Variants in CCDC33 observed in about 807,000 individuals in gnomAD.
The protein encoded by CCDC33 is coiled-coil domain-containing protein 33.
CCDC33 carries 94 observed loss-of-function variants against 91.9 expected under a neutral mutation model. The ratio of observed to expected loss-of-function variants is 1.02; its 90% CI spans 0.87 to 1.21. The LOEUF (loss-of-function observed/expected upper bound fraction) is 1.21, where lower values mean the gene tolerates loss of function less well. Among genes scored for constraint, CCDC33 ranks in the 50% most tolerant of loss-of-function variants. CCDC33 has a pLI of 0.00. For missense variants in CCDC33, 940 were observed against 935.5 expected, an observed-to-expected ratio of 1.00 and a Z score of -0.06; for synonymous variants, 396 against 374.5, an observed-to-expected ratio of 1.06 and a Z score of -0.66.
intron 10 of CCDC33, among the ~76,000 whole-genome samples, chr15:74,282,660 C>T (rs1032055989): frequency 6.6e-6 from 1 of 152,146 alleles, no homozygotes; most frequent in African/African-American, 2.4e-5. Context: ...TCACGGGTTC[C>T]AAGAATGAGG....
upstream of CCDC33, chr15:74,217,112 G>A (rs1309822741): frequency 5.3e-6 from 2 of 374,580 alleles, no homozygotes; most frequent in Non-Finnish European, 9.0e-6. Flanking sequence ...CCTGGGTCAG[G>A]CCCAGCTTCC....
chr15:74,209,676 A>T lies in CCDC33; in HGVS notation n.236+142A>T, dbSNP rs911214416. ...CCTGCAACCTCCAACGCTGCTGGAC[A>T]GTCGGCTGCATCCCCCCTCACCTGA... On this transcript the variant is annotated intron_variant and non_coding_transcript_variant, in intron 2 of 3. Coordinates refer to the CCDC33 transcript ENST00000558645. The T allele has an allele frequency of 5.6e-6, 3 of 533,624 alleles. No homozygotes were observed. In the African/African-American group the frequency reaches 5.7e-5, roughly 10 times the overall value. 33.1% of individuals were successfully genotyped at this position (533,624 alleles called of 1,614,324 possible).
intron 16 of CCDC33, 124 bp downstream of exon 16, chr15:74,332,969 G>A (rs1338277480): frequency 1.7e-6 from 2 of 1,167,360 alleles, no homozygotes; most frequent in Non-Finnish European, 2.4e-6. Flanking sequence ...CAGTCTGCCT[G>A]GGGGCTCCTG....
chr15:74,278,451 C>T lies in CCDC33; in HGVS notation c.760-1512C>T, dbSNP rs886343053. ...CTGGGGAACAGAGGCAAGGCAGCCA[C>T]TTGGTGGGTCTGTAGCAACGACCCG... On this transcript the variant is annotated intron_variant, in intron 7 of 18. Coordinates refer to ENST00000398814, the MANE Select transcript of CCDC33 (RefSeq NM_025055.5). 4.6e-5 allele frequency among the ~76,000 whole-genome samples: 7 copies of T among 152,230 alleles called. No individual in the cohort carries two copies. In the South Asian group the frequency reaches 1.4e-3, roughly 31 times the overall value.
chr15:74,282,621 A>G (rs1163837629), intron 10 of CCDC33, among the ~76,000 whole-genome samples: 1 of 152,244 alleles, frequency 6.6e-6, no homozygotes, highest in African/African-American at 2.4e-5. Flanking sequence ...TGTAACAAAC[A>G]TAATCCCAGG....
intron 3 of CCDC33, among the ~76,000 whole-genome samples, chr15:74,266,417 G>T (rs2076166860): frequency 1.3e-5 from 2 of 152,226 alleles, no homozygotes; most frequent in Non-Finnish European, 1.5e-5. Flanking sequence ...TGACCTGGGA[G>T]TTTCTAGACC....
Position 74,249,171 on chromosome 15 carries a change from G to T in CCDC33, c.185+5023G>T, listed in dbSNP as rs111324528. 2.0e-5 allele frequency among the ~76,000 whole-genome samples: 3 copies of T among 152,098 alleles called. No individual in the cohort carries two copies. In the East Asian group the frequency reaches 5.8e-4, roughly 29 times the overall value. On this transcript the variant is annotated intron_variant, in intron 2 of 18. Coordinates refer to ENST00000398814, the MANE Select transcript of CCDC33 (RefSeq NM_025055.5). Reference sequence around the variant, plus strand: ...TCATTTTGTCTGTTTTTATCAGCCCGCCCAGCTGCTTAGGTCATAAGCCAA... The same window carrying T: ...TCATTTTGTCTGTTTTTATCAGCCCTCCCAGCTGCTTAGGTCATAAGCCAA...
At chr15:74,237,907 G>A (rs780770244) in intron 1 of CCDC33, among the ~76,000 whole-genome samples, 2 of 152,186 alleles carry the variant, frequency 1.3e-5, no homozygotes, top group African/African-American at 2.4e-5. Context: ...AGCACTTGGC[G>A]AGGCCGAGGC....
chr15:74,284,139 A>C (rs2059427760), intron 10 of CCDC33, among the ~76,000 whole-genome samples: 3 of 152,236 alleles, frequency 2.0e-5, no homozygotes, highest in Non-Finnish European at 4.4e-5. Context: ...ATTCACCATG[A>C]AGTCCTTGCA....
rs755185146 is a variant in CCDC33 at position 74,243,981 on chromosome 15, A to G, written c.22-4A>G. 2 of 1,593,070 alleles carry G rather than the reference A, an allele frequency of 1.3e-6. No individual in the cohort carries two copies. Among genetic ancestry groups the G allele is most frequent in the Non-Finnish European group, 1.7e-6 (2 of 1,174,120 alleles). On this transcript the variant is annotated splice_polypyrimidine_tract_variant and splice_region_variant and intron_variant, in intron 1 of 18. Transcript: ENST00000398814. ...AAAACACTCAGCCCTGGCTCTCCCC[A>G]CAGAACACTGAAGACCCAGAGGAGC...
chr15:74,273,033 C>T (rs533866493), intron 7 of CCDC33, 142 bp downstream of exon 7: 9 of 1,173,348 alleles, frequency 7.7e-6, no homozygotes, highest in South Asian at 5.8e-5. Flanking sequence ...GTGCTGTGCT[C>T]GCCTGTGCGG....
At chr15:74,209,742 G>A in intron 2 of CCDC33, 1 of 382,104 alleles carries the variant, frequency 2.6e-6, no homozygotes, top group Middle Eastern at 7.1e-4. Context: ...TCCTAGAGGG[G>A]GTATCCTGCA....
chr15:74,308,092 C>A (rs1211811824), intron 11 of CCDC33, among the ~76,000 whole-genome samples: 2 of 152,118 alleles, frequency 1.3e-5, no homozygotes, highest in African/African-American at 4.8e-5. Flanking sequence ...GGGCACGTCC[C>A]CCTTGGGACC....
intron 10 of CCDC33, among the ~76,000 whole-genome samples, chr15:74,289,297 C>T (rs559226398): frequency 6.6e-6 from 1 of 152,326 alleles, no homozygotes; most frequent in South Asian, 2.1e-4. Context: ...CCTCAATGTA[C>T]CCTGCCCTGA....
At chr15:74,308,620 G>C (rs1057054568) in intron 11 of CCDC33, among the ~76,000 whole-genome samples, 2 of 152,168 alleles carry the variant, frequency 1.3e-5, no homozygotes, top group African/African-American at 4.8e-5. Flanking sequence ...CGTTGCCCAC[G>C]GGGGACTAAT....
At chr15:74,225,882 G>T (rs529280792) in intron 2 of CCDC33, among the ~76,000 whole-genome samples, 3 of 152,192 alleles carry the variant, frequency 2.0e-5, no homozygotes, top group Non-Finnish European at 4.4e-5. Flanking sequence ...GCCACCCCCA[G>T]CCTGGGTCCT....
At chr15:74,279,317 A>C (rs1375047008) in intron 7 of CCDC33, among the ~76,000 whole-genome samples, 1 of 152,160 alleles carries the variant, frequency 6.6e-6, no homozygotes, top group African/African-American at 2.4e-5. Context: ...GTGACTTTGG[A>C]TCTGCTTAGG....
chr15:74,321,694 C>T (rs910605357), intron 11 of CCDC33, among the ~76,000 whole-genome samples: 3 of 152,132 alleles, frequency 2.0e-5, no homozygotes, highest in Admixed American at 6.6e-5. Flanking sequence ...ACCACCGCAC[C>T]GGGCCAAGAA....
At chr15:74,294,493 A>G (rs1471565427) in intron 10 of CCDC33, among the ~76,000 whole-genome samples, 2 of 152,118 alleles carry the variant, frequency 1.3e-5, no homozygotes, top group Non-Finnish European at 2.9e-5. Context: ...CACGCCTGTA[A>G]TCCCAGCACT....
Sources: gnomAD v4.1 joint callset for allele counts (sites outside exome capture counted in the v4.1 genomes callset) on GRCh38, gnomAD v4.1.1 for gene constraint, MANE v1.5 for transcripts, NCBI Gene and HGNC (gene_info 2026-07-23, HGNC 2026-07-21) for gene names.